Variants in NOTCH1 observed in about 807,000 individuals in gnomAD.
The protein encoded by NOTCH1 is notch receptor 1.
A neutral mutation model predicts 254.8 loss-of-function variants in NOTCH1; 37 were observed. The ratio of observed to expected loss-of-function variants is 0.15; its 90% confidence interval spans 0.11 to 0.19. NOTCH1 has a LOEUF of 0.19. Among genes scored for constraint, NOTCH1 ranks in the 10% least tolerant of loss-of-function variants. NOTCH1 has a pLI of 1.00. For missense variants in NOTCH1, 2,972 were observed against 3,708.6 expected, an observed-to-expected ratio of 0.80 and a Z score of 5.16; for synonymous variants, 1,731 against 1,618.1, an observed-to-expected ratio of 1.07 and a Z score of -1.68.
chr9:136,495,773 G>C lies in NOTCH1; in HGVS notation c.*298C>G, dbSNP rs749830589. 2.0e-4 allele frequency: 82 copies of C among 418,972 alleles called. No individual in the cohort carries two copies. Among genetic ancestry groups the C allele is most frequent in the Admixed American group, 7.0e-4 (18 of 25,632 alleles). 26.0% of individuals were successfully genotyped at this position (418,972 alleles called of 1,614,324 possible). ...TTGTTTATATTTTATAAACACAGAA[G>C]AATCTTTTCATCCTACGTAGGAAAA... On this transcript the variant is annotated 3_prime_UTR_variant, in exon 34 of 34. Coordinates refer to ENST00000651671, the MANE Select transcript of NOTCH1 (RefSeq NM_017617.5).
At chr9:136,531,068 C>T (rs949762982) in intron 2 of NOTCH1, among the ~76,000 whole-genome samples, 8 of 152,242 alleles carry the variant, frequency 5.3e-5, no homozygotes, top group Non-Finnish European at 7.3e-5. Context: ...GGCAGTCGCC[C>T]GGAGGTGCTG....
intron 4 of NOTCH1, among the ~76,000 whole-genome samples, chr9:136,521,505 G>T (rs531713885): frequency 6.6e-6 from 1 of 152,226 alleles, no homozygotes; most frequent in East Asian, 1.9e-4. Flanking sequence ...GCACACAGGT[G>T]GCCTTGGACA....
Position 136,506,688 on chromosome 9 carries a change from G to A in NOTCH1, c.3901+28C>T, listed in dbSNP as rs376406223. The stretch of plus-strand genomic sequence containing the variant: ...AGAGGCTCACCCTGCTGCCCCACAC[G>A]CCCCACCCGCCTGGGCGCGGCACCC... On this transcript the variant is annotated intron_variant, in intron 23 of 33. Coordinates refer to ENST00000651671, the MANE Select transcript of NOTCH1 (RefSeq NM_017617.5). The surrounding 1 kb of genome is among the most constrained non-coding windows in gnomAD (Gnocchi z 4.5). The A allele has an allele frequency of 2.9e-5, 46 of 1,595,502 alleles. No individual in the cohort carries two copies. Among genetic ancestry groups the A allele is most frequent in the Admixed American group, 2.3e-4 (13 of 56,962 alleles).
intron 2 of NOTCH1, among the ~76,000 whole-genome samples, chr9:136,524,415 T>C (rs1370715739): frequency 6.6e-6 from 1 of 152,182 alleles, no homozygotes; most frequent in African/African-American, 2.4e-5. Flanking sequence ...GGTCTGGGTC[T>C]ACACCCGCGG....
chr9:136,500,507 C>G (rs11574909), intron 31 of NOTCH1, 45 bp downstream of exon 31: 2 of 1,601,806 alleles, frequency 1.2e-6, no homozygotes, highest in African/African-American at 2.7e-5. Flanking sequence ...GACCACCAGG[C>G]GGCCCTGAGG....
chr9:136,510,869 C>A (rs762000210), intron 16 of NOTCH1, 64 bp from the exon 17 acceptor site: 20 of 1,594,726 alleles, frequency 1.3e-5, no homozygotes, highest in Non-Finnish European at 1.5e-5. Context: ...CCTTCCCAGG[C>A]TGGCCCACCC....
Position 136,495,317 on chromosome 9 carries a change from G to A in NOTCH1, c.*754C>T, listed in dbSNP as rs148391832. ...GGGACCAAGAACTTGTATAACCAAC[G>A]AACAACTACATAATACTGAACCTGA... is the stretch of plus-strand genomic sequence containing the variant. On this transcript the variant is annotated 3_prime_UTR_variant, in exon 34 of 34. Coordinates refer to ENST00000651671, the MANE Select transcript of NOTCH1 (RefSeq NM_017617.5). 33 of 398,870 alleles carry A rather than the reference G, an allele frequency of 8.3e-5. No homozygotes were observed. The highest frequency in any genetic ancestry group is 4.4e-5 in the Admixed American group (1 of 22,740). 24.7% of individuals were successfully genotyped at this position (398,870 alleles called of 1,614,324 possible). A position where few individuals can be genotyped will look rare whatever the true frequency, so the allele number is the denominator to read the frequency against.
chr9:136,495,689 C>A lies in NOTCH1; in HGVS notation c.*382G>T. 2.4e-6 allele frequency: 1 copy of A among 410,372 alleles called. No individual in the cohort carries two copies. Among genetic ancestry groups the A allele is most frequent in the Non-Finnish European group, 4.3e-6 (1 of 232,656 alleles). 25.4% of individuals were successfully genotyped at this position (410,372 alleles called of 1,614,324 possible). ...CAACTTCCCTTCTCCAACATCATTT[C>A]TTTTTGGATTTTGAAAAAAGGAATC... On this transcript the variant is annotated 3_prime_UTR_variant, in exon 34 of 34. Coordinates refer to ENST00000651671, the MANE Select transcript of NOTCH1 (RefSeq NM_017617.5).
chr9:136,521,318 CAAGTG>C (rs1217640519), intron 4 of NOTCH1, among the ~76,000 whole-genome samples: 1 of 152,128 alleles, frequency 6.6e-6, no homozygotes, highest in Admixed American at 6.5e-5. Context: ...TACCCACACT[CAAGTG>C]AGTGAACCCC....
At chr9:136,519,793 G>A (rs1266014641) in intron 4 of NOTCH1, among the ~76,000 whole-genome samples, 1 of 152,226 alleles carries the variant, frequency 6.6e-6, no homozygotes. Context: ...AGGAACACAG[G>A]GTTCCAGAAG....
At chr9:136,520,729 TC>T (rs1271462259) in intron 4 of NOTCH1, among the ~76,000 whole-genome samples, 140 of 112,340 alleles carry the variant, frequency 1.2e-3, no homozygotes, top group African/African-American at 5.9e-3. Flanking sequence ...CAGAGACCTG[TC>T]TCAAAAAAAA....
chr9:136,500,547 C>A lies in NOTCH1; in HGVS notation c.5934+5G>T, dbSNP rs758109546. On this transcript the variant is annotated splice_donor_5th_base_variant and intron_variant, in intron 31 of 33. Transcript: ENST00000651671. ...CAGGTGGGCACACAGGCAGCCACTG[C>A]CTACCTGGAAGACACCTTGTGCGTC... The A allele has an allele frequency of 6.2e-7, 1 of 1,609,966 alleles. No individual in the cohort carries two copies. The highest frequency in any genetic ancestry group is 1.3e-5 in the African/African-American group (1 of 74,944).
chr9:136,531,846 G>A (rs59482372), intron 2 of NOTCH1, among the ~76,000 whole-genome samples: 293 of 152,348 alleles, frequency 1.9e-3, no homozygotes, highest in African/African-American at 6.6e-3. Flanking sequence ...CGGCTTCAGT[G>A]GTGGCCCCAG....
Position 136,510,525 on chromosome 9 carries a change from C to T in NOTCH1, c.2740+128G>A, listed in dbSNP as rs143369696. On this transcript the variant is annotated intron_variant, in intron 17 of 33. Transcript: ENST00000651671. ...CCTCAGCACATCCCCCACACCTGAC[C>T]CAACCCTCCCCGGCCACACTCCGGC... is the stretch of plus-strand genomic sequence containing the variant. 0.018 allele frequency: 23,644 copies of T among 1,312,192 alleles called. 313 individuals are homozygous for T. Among genetic ancestry groups the T allele is most frequent in the Middle Eastern group, 0.054 (214 of 3,928 alleles). The allele number at this position is 1,312,192 out of a possible 1,614,324, so 81.3% of individuals were successfully genotyped here.
chr9:136,543,218 G>C (rs536983942), intron 2 of NOTCH1: 13 of 180,504 alleles, frequency 7.2e-5, no homozygotes, highest in Non-Finnish European at 1.1e-4. Flanking sequence ...CCTTTGAAGA[G>C]GCATCACCCA....
rs1269288372 is a variant in NOTCH1, at chr9:136,517,905, T to G, written c.1288A>C (p.Ile430Leu). 6.2e-7 allele frequency: 1 copy of G among 1,612,070 alleles called. No homozygotes were observed. The highest frequency in any genetic ancestry group is 1.7e-5 in the Admixed American group (1 of 60,004). The change falls in exon 8 of 34, where the codon ATC (isoleucine) becomes CTC (leucine). Residue 430 changes from isoleucine to leucine, a missense_variant. Physicochemically the swap from Ile to Leu is conservative, Grantham distance 5. Transcript: ENST00000651671. ...CACTCGAAGGAGCCCAGCGTGTTGATGCACTTGCCCGCATGCTCGCAGGGG... is the reference window on the plus strand; with the variant it reads ...CACTCGAAGGAGCCCAGCGTGTTGAGGCACTTGCCCGCATGCTCGCAGGGG... Reference protein sequence around the residue: ...ANPCEHAGKCINTLGSFECQC... With the variant: ...ANPCEHAGKCLNTLGSFECQC...
rs2133336224 is a variant in NOTCH1, at chr9:136,504,803, G to A, written c.4888C>T (p.Pro1630Ser). ...CAGCCCTCGGCGGCACGCTTGATGGGGTGCTTGCGCAGCTCCTCCTCGCGG... is the reference window on the plus strand; with the variant it reads ...CAGCCCTCGGCGGCACGCTTGATGGAGTGCTTGCGCAGCTCCTCCTCGCGG... ...YGREEELRKHPIKRAAEGWAA... is the reference protein window; with the variant it reads ...YGREEELRKHSIKRAAEGWAA... The change falls in exon 26 of 34, where the codon CCC (proline) becomes TCC (serine). Residue 1630 changes from proline to serine, a missense_variant. Transcript: ENST00000651671. 1 of 1,561,986 alleles carries A rather than the reference G, an allele frequency of 6.4e-7. No individual in the cohort carries two copies. The highest frequency in any genetic ancestry group is 8.7e-7 in the Non-Finnish European group (1 of 1,153,460).
chr9:136,535,544 CCGGGGCAA>C, intron 2 of NOTCH1, among the ~76,000 whole-genome samples: 1 of 79,244 alleles, frequency 1.3e-5, no homozygotes, highest in African/African-American at 1.0e-4. Context: ...AGGATCCCTC[CCGGGGCAA>C]TGGGTGCATG....
chr9:136,536,013 T>G (rs1024167246), intron 2 of NOTCH1, among the ~76,000 whole-genome samples: 1 of 151,568 alleles, frequency 6.6e-6, no homozygotes, highest in Non-Finnish European at 1.5e-5. Flanking sequence ...TCAGGATCCC[T>G]CCCAGGAGCA....
Sources: gnomAD v4.1 joint callset for allele counts (sites outside exome capture counted in the v4.1 genomes callset) on GRCh38, gnomAD v4.1.1 for gene constraint, Gnocchi (gnomAD v3.1) non-coding constraint, MANE v1.5 for transcripts, NCBI Gene and HGNC (gene_info 2026-07-23, HGNC 2026-07-21) for gene names.